FAM184A: variants seen among roughly 807,000 people sequenced by gnomAD.
FAM184A encodes the protein protein FAM184A.
FAM184A carries 99 observed loss-of-function variants against 143.8 expected under a neutral mutation model. The ratio of observed to expected loss-of-function variants is 0.69; its 90% CI spans 0.58 to 0.81. The LOEUF is 0.81. FAM184A is among the 40% of genes least tolerant of loss of function. The pLI is 0.00. For missense variants in FAM184A, 1,217 were observed against 1,310.5 expected, an observed-to-expected ratio of 0.93 and a Z score of 1.10; for synonymous variants, 427 against 446.4, an observed-to-expected ratio of 0.96 and a Z score of 0.55.
intron 1 of FAM184A, among the ~76,000 whole-genome samples, chr6:119,097,543 A>G (rs1437898122): frequency 2.6e-5 from 4 of 152,210 alleles, no homozygotes; most frequent in African/African-American, 9.6e-5. Flanking sequence ...ATTTATATAT[A>G]TATAAGTCTT....
At chr6:119,002,175 A>T (rs557474290) in intron 9 of FAM184A, among the ~76,000 whole-genome samples, 1 of 152,316 alleles carries the variant, frequency 6.6e-6, no homozygotes, top group Non-Finnish European at 1.5e-5. Flanking sequence ...TAGAAAGATA[A>T]TGGTAGGTTT....
chr6:119,084,772 A>T (rs1788170334), intron 1 of FAM184A, among the ~76,000 whole-genome samples: 1 of 152,200 alleles, frequency 6.6e-6, no homozygotes, highest in Non-Finnish European at 1.5e-5. Context: ...GTTTTTCCAT[A>T]CACCCTCTGA....
In FAM184A at chr6:119,016,899, C is replaced by G. The variant is rs754104156; in HGVS notation, c.1378G>C (p.Glu460Gln). The G allele has an allele frequency of 1.9e-6, 3 of 1,613,602 alleles. No individual in the cohort carries two copies. Among genetic ancestry groups the G allele is most frequent in the Non-Finnish European group, 2.5e-6 (3 of 1,179,816 alleles). ...AATCTACTTTGCAGGTTTTTAAGTTCCCTTTCATAATATTCTTGCTGAGTT... is the reference window on the plus strand; with the variant it reads ...AATCTACTTTGCAGGTTTTTAAGTTGCCTTTCATAATATTCTTGCTGAGTT... ...KRTQQEYYERELKNLQSRLEE... is the reference protein window; with the variant it reads ...KRTQQEYYERQLKNLQSRLEE... Residue 460 changes from glutamate to glutamine, a missense_variant, in exon 5 of 18, where the codon GAA becomes CAA. By Grantham distance (29) the Glu-to-Gln change is conservative (BLOSUM62 2). Coordinates refer to ENST00000338891, the MANE Select transcript of FAM184A (RefSeq NM_024581.6).
Position 119,011,368 on chromosome 6 carries a change from G to A in FAM184A, c.1594C>T (p.Gln532Ter), listed in dbSNP as rs1785083454. ...ACTTCCTTTAGGTTTTCTAGCTCTTGTTGAAGCTGATTTTTATCCTCTTCC... is the reference window on the plus strand; with the variant it reads ...ACTTCCTTTAGGTTTTCTAGCTCTTATTGAAGCTGATTTTTATCCTCTTCC... The part of the protein sequence containing the change: ...NLEEDKNQLQ[Q>*]ELENLKEVLE... Residue 532 changes from glutamine (Q) to a stop codon, truncating the protein, a stop_gained, in exon 6 of 18, where the codon CAA becomes TAA. Transcript: ENST00000338891. LOFTEE classifies it high-confidence loss of function. 1 of 1,595,924 alleles carries A rather than the reference G, an allele frequency of 6.3e-7. No individual in the cohort carries two copies. Among genetic ancestry groups the A allele is most frequent in the Admixed American group, 1.7e-5 (1 of 57,562 alleles).
rs762079089 is a variant in FAM184A, at chr6:119,011,369, T to C, written c.1593A>G (p.Gln531=). 20 of 1,596,104 alleles carry C rather than the reference T, an allele frequency of 1.3e-5. No individual in the cohort carries two copies. The highest frequency in any genetic ancestry group is 1.7e-5 in the Admixed American group (1 of 57,644). The stretch of plus-strand genomic sequence containing the variant: ...CTTCCTTTAGGTTTTCTAGCTCTTG[T>C]TGAAGCTGATTTTTATCCTCTTCCA... ...LNLEEDKNQL[Q]QELENLKEVL... Residue 531 remains glutamine (Q), a synonymous_variant, in exon 6 of 18, where the codon CAA becomes CAG. Coordinates refer to ENST00000338891, the MANE Select transcript of FAM184A (RefSeq NM_024581.6).
chr6:119,143,499 G>C (rs1430438100), intron 1 of FAM184A, among the ~76,000 whole-genome samples: 1 of 152,208 alleles, frequency 6.6e-6, no homozygotes, highest in Non-Finnish European at 1.5e-5. Context: ...GTCTTGAAGA[G>C]ATATTTGTGC....
intron 1 of FAM184A, among the ~76,000 whole-genome samples, chr6:119,040,052 C>T (rs1786263919): frequency 6.6e-6 from 1 of 152,300 alleles, no homozygotes; most frequent in South Asian, 2.1e-4. Context: ...TCAGGTTAAA[C>T]GGGGACTCGA....
chr6:119,134,014 C>T (rs1562163839), intron 1 of FAM184A, among the ~76,000 whole-genome samples: 1 of 151,426 alleles, frequency 6.6e-6, no homozygotes, highest in African/African-American at 2.4e-5. Context: ...CACAAAAGTG[C>T]AAAATACACA....
chr6:119,025,064 T>C (rs1785582481), intron 1 of FAM184A, among the ~76,000 whole-genome samples: 1 of 152,204 alleles, frequency 6.6e-6, no homozygotes, highest in African/African-American at 2.4e-5. Context: ...ACATTCAAAT[T>C]TAAGACTATT....
chr6:119,080,441 T>C (rs1788028275), upstream of FAM184A, among the ~76,000 whole-genome samples: 1 of 152,196 alleles, frequency 6.6e-6, no homozygotes, highest in South Asian at 2.1e-4. Flanking sequence ...TTTTCTTAAA[T>C]ACTATGCTCA....
chr6:119,112,455 TGCC>T (rs1788958195), intron 1 of FAM184A, among the ~76,000 whole-genome samples: 1 of 152,208 alleles, frequency 6.6e-6, no homozygotes, highest in Non-Finnish European at 1.5e-5. Flanking sequence ...AAATTGAACG[TGCC>T]ATGACTTCCA....
At chr6:119,137,135 T>C (rs984163871) in intron 1 of FAM184A, among the ~76,000 whole-genome samples, 1 of 152,248 alleles carries the variant, frequency 6.6e-6, no homozygotes. Flanking sequence ...AGAAATTTAT[T>C]TTCTCACAGT....
chr6:119,112,609 A>G (rs768004012), intron 1 of FAM184A, among the ~76,000 whole-genome samples: 1 of 152,084 alleles, frequency 6.6e-6, no homozygotes, highest in Non-Finnish European at 1.5e-5. Context: ...CCACCCCCAC[A>G]CTTGCAATTC....
chr6:118,983,570 C>A (rs1042423117), intron 9 of FAM184A, among the ~76,000 whole-genome samples: 4 of 151,972 alleles, frequency 2.6e-5, no homozygotes, highest in Admixed American at 1.3e-4. Context: ...TTAAAAAATT[C>A]TATTTCTTAT....
chr6:119,038,636 G>T (rs1292394548), intron 1 of FAM184A, among the ~76,000 whole-genome samples: 1 of 152,184 alleles, frequency 6.6e-6, no homozygotes. Flanking sequence ...ATATCATCAA[G>T]AAATAACCAT....
chr6:119,110,004 A>G (rs1367912753), intron 1 of FAM184A, among the ~76,000 whole-genome samples: 1 of 152,194 alleles, frequency 6.6e-6, no homozygotes, highest in Non-Finnish European at 1.5e-5. Context: ...CCCAGGGACT[A>G]TCTATCCATC....
chr6:118,965,029 C>T (rs1783454524), intron 15 of FAM184A, among the ~76,000 whole-genome samples: 1 of 152,132 alleles, frequency 6.6e-6, no homozygotes, highest in African/African-American at 2.4e-5. Context: ...TTATTTGGTC[C>T]TAGCTGTTTC....
chr6:119,094,004 TC>T (rs1435485198), intron 1 of FAM184A, among the ~76,000 whole-genome samples: 1 of 47,180 alleles, frequency 2.1e-5, no homozygotes. Context: ...CTCCCTCCCC[TC>T]CCCTCCCTCC....
chr6:118,984,182 T>C (rs1784115912), intron 9 of FAM184A, among the ~76,000 whole-genome samples: 1 of 143,050 alleles, frequency 7.0e-6, no homozygotes, highest in Non-Finnish European at 1.5e-5. Flanking sequence ...TATATATTTA[T>C]ATATATATTT....
Sources: gnomAD v4.1 joint callset for allele counts (sites outside exome capture counted in the v4.1 genomes callset) on GRCh38, gnomAD v4.1.1 for gene constraint, MANE v1.5 for transcripts, NCBI Gene and HGNC (gene_info 2026-07-23, HGNC 2026-07-21) for gene names.